The following ZNF565 variants were observed in gnomAD, a reference collection of about 807,000 sequenced individuals.
The protein encoded by ZNF565 is zinc finger protein 565.
A neutral mutation model predicts 39.4 loss-of-function variants in ZNF565; 27 were observed. That is an observed-to-expected ratio of 0.69 (90% CI 0.51 to 0.95). The LOEUF is 0.95. Ranked by LOEUF, ZNF565 falls within the 40% of genes least tolerant of loss-of-function variation. ZNF565 has a pLI of 0.00. For missense variants in ZNF565, 524 were observed against 621.1 expected (o/e 0.84, Z 1.66); for synonymous variants, 185 against 216.6 (o/e 0.85, Z 1.28).
intron 1 of ZNF565, among the ~76,000 whole-genome samples, chr19:36,239,119 G>A (rs984137121): frequency 6.6e-6 from 1 of 151,982 alleles, no homozygotes; most frequent in Non-Finnish European, 1.5e-5. Context: ...AAAAGGTTGG[G>A]GACCGCTGCA....
rs746632656 is a variant in ZNF565, at chr19:36,183,134, G to A, written c.832C>T (p.Pro278Ser). The change falls in exon 5 of 5, where the codon CCC (proline) becomes TCC (serine). Residue 278 changes from proline (P) to serine (S), a missense_variant. By Grantham distance (74) the Pro-to-Ser change is moderately conservative. Coordinates refer to ENST00000304116, the MANE Select transcript of ZNF565 (RefSeq NM_152477.5). ...TTGCCACAGTCTTTACATACGTAGG[G>A]TTTCTCGCCTGTGTGAGTTCTTTGA... ...LHQRTHTGEK[P>S]YVCKDCGKAF... 2 of 1,614,034 alleles carry A rather than the reference G, an allele frequency of 1.2e-6. No homozygotes were observed. The highest frequency in any genetic ancestry group is 2.7e-5 in the African/African-American group (2 of 74,918).
At chr19:36,216,793 A>G (rs1976626604), upstream of ZNF565, among the ~76,000 whole-genome samples, 1 of 149,810 alleles carries the variant, frequency 6.7e-6, no homozygotes, top group South Asian at 2.1e-4. Flanking sequence ...AAAGGCGTTG[A>G]GGTGTGGGGA....
chr19:36,219,402 G>A (rs1234244470), upstream of ZNF565, among the ~76,000 whole-genome samples: 1 of 152,124 alleles, frequency 6.6e-6, no homozygotes, highest in African/African-American at 2.4e-5. Flanking sequence ...CTGTGTTTGA[G>A]TTATGTTTAT....
At chr19:36,192,291 GCAC>G (rs1975586257) in intron 4 of ZNF565, among the ~76,000 whole-genome samples, 1 of 152,094 alleles carries the variant, frequency 6.6e-6, no homozygotes. Flanking sequence ...AAACTGAACA[GCAC>G]CAGTAATAAG....
rs779064439 is a variant in ZNF565 at position 36,182,420 on chromosome 19, G to A, written c.*46C>T. The A allele has an allele frequency of 6.7e-7, 1 of 1,498,562 alleles. No individual in the cohort carries two copies. Among genetic ancestry groups the A allele is most frequent in the Non-Finnish European group, 8.9e-7 (1 of 1,120,624 alleles). The allele number at this position is 1,498,562 out of a possible 1,614,324, so 92.8% of individuals were successfully genotyped here. ...AATTACCTAGTACTGAGCCAGATGT[G>A]AACTCCACATAAAGGCTTATCTTTA... On this transcript the variant is annotated 3_prime_UTR_variant, in exon 5 of 5. Coordinates refer to ENST00000304116, the MANE Select transcript of ZNF565 (RefSeq NM_152477.5).
At chr19:36,185,776 C>T (rs1278399738) in intron 4 of ZNF565, among the ~76,000 whole-genome samples, 2 of 150,216 alleles carry the variant, frequency 1.3e-5, no homozygotes, top group African/African-American at 2.5e-5. Flanking sequence ...TCACTGCAAC[C>T]TCTGCCTCCC....
intron 1 of ZNF565, among the ~76,000 whole-genome samples, chr19:36,212,356 T>C (rs1395440122): frequency 1.3e-5 from 2 of 152,242 alleles, no homozygotes; most frequent in East Asian, 3.9e-4. Context: ...TTCACATCTC[T>C]AACCCAGCAC....
chr19:36,195,267 C>T lies in ZNF565; in HGVS notation c.10-111G>A, dbSNP rs930977429. ...AGAATAGTTGACAGTAATGGCCCCC[C>T]GATATGCACCAGTCTGCTTCAACAG... On this transcript the variant is annotated intron_variant, in intron 2 of 4. Coordinates refer to ENST00000304116, the MANE Select transcript of ZNF565 (RefSeq NM_152477.5). The T allele has an allele frequency of 2.4e-5, 30 of 1,259,064 alleles. No homozygotes were observed. The Middle Eastern group carries it at 7.8e-4, about 33-fold the overall frequency. 78.0% of individuals were successfully genotyped at this position (1,259,064 alleles called of 1,614,324 possible).
chr19:36,190,220 G>T (rs1162686667), intron 4 of ZNF565, among the ~76,000 whole-genome samples: 1 of 152,144 alleles, frequency 6.6e-6, no homozygotes, highest in African/African-American at 2.4e-5. Context: ...ACTCAAAGAT[G>T]TCTGTGTCTT....
chr19:36,234,618 T>C (rs1369825270), intron 1 of ZNF565, among the ~76,000 whole-genome samples: 4 of 152,142 alleles, frequency 2.6e-5, no homozygotes, highest in African/African-American at 4.8e-5. Flanking sequence ...AGGATGGTCT[T>C]GATCTCCTGA....
Position 36,183,134 on chromosome 19 carries a change from GT to G in ZNF565, c.831del (p.Lys277AsnfsTer46). The G allele has an allele frequency of 6.2e-7, 1 of 1,614,154 alleles. No individual in the cohort carries two copies. Among genetic ancestry groups the G allele is most frequent in the Non-Finnish European group, 8.5e-7 (1 of 1,180,032 alleles). ...TTGCCACAGTCTTTACATACGTAGG[GT>G]TTCTCGCCTGTGTGAGTTCTTTGAT... ...ILHQRTHTGE[K>X]PYVCKDCGKA... On this transcript the variant is annotated frameshift_variant, in exon 5 of 5. Transcript: ENST00000304116. LOFTEE classifies it high-confidence loss of function.
intron 1 of ZNF565, among the ~76,000 whole-genome samples, chr19:36,240,977 C>T (rs1977789861): frequency 1.3e-5 from 2 of 152,196 alleles, no homozygotes; most frequent in Non-Finnish European, 2.9e-5. Context: ...GTCTTTCCTC[C>T]ATGGGATGAC....
intron 1 of ZNF565, chr19:36,236,895 G>C: frequency 1.2e-6 from 2 of 1,614,120 alleles, no homozygotes; most frequent in South Asian, 2.2e-5. Flanking sequence ...ATCCATATTG[G>C]AGAGAAGCCT....
chr19:36,194,821 T>C (rs1470213654), intron 3 of ZNF565: 3 of 706,552 alleles, frequency 4.2e-6, no homozygotes, highest in Non-Finnish European at 7.4e-6. Flanking sequence ...AGGCATTTCT[T>C]ACCCTCCTCT....
upstream of ZNF565, among the ~76,000 whole-genome samples, chr19:36,218,969 C>T (rs920912365): frequency 6.0e-5 from 9 of 149,258 alleles, no homozygotes; most frequent in African/African-American, 1.5e-4. Context: ...CCACCACGTC[C>T]GGCTAATTTT....
chr19:36,194,171 A>G, intron 4 of ZNF565, 62 bp downstream of exon 4: 2 of 1,405,710 alleles, frequency 1.4e-6, no homozygotes, highest in Admixed American at 4.2e-5. Flanking sequence ...CAGTAACTCA[A>G]GTTACTCCTG....
intron 1 of ZNF565, 54 bp downstream of exon 1, chr19:36,214,568 G>C (rs893815402): frequency 6.5e-6 from 1 of 153,324 alleles, no homozygotes; most frequent in Non-Finnish European, 1.5e-5. Context: ...TGCGCGCACA[G>C]ATTCGAGGCT....
At chr19:36,211,446 C>G (rs1383932731) in intron 1 of ZNF565, among the ~76,000 whole-genome samples, 2 of 117,126 alleles carry the variant, frequency 1.7e-5, no homozygotes, top group Non-Finnish European at 3.5e-5. Flanking sequence ...CTCCAACTCT[C>G]TCTCACACAC....
intron 2 of ZNF565, among the ~76,000 whole-genome samples, chr19:36,197,607 C>T (rs1036050560): frequency 6.6e-6 from 1 of 152,054 alleles, no homozygotes; most frequent in Non-Finnish European, 1.5e-5. Context: ...TTGTAAGATA[C>T]GTCGATTCCA....
Sources: allele counts gnomAD v4.1 joint callset (sites outside exome capture counted in the v4.1 genomes callset), GRCh38; gene constraint gnomAD v4.1.1; transcripts MANE v1.5; gene names NCBI Gene and HGNC (gene_info 2026-07-23, HGNC 2026-07-21).